Variants in ENOSF1 observed in about 807,000 individuals in gnomAD.
ENOSF1 encodes the protein enolase superfamily member 1, also known as mitochondrial enolase superfamily member 1.
Under a neutral mutation model 68.2 loss-of-function variants are expected in ENOSF1, and 73 were observed. The ratio of observed to expected loss-of-function variants is 1.07; its 90% CI spans 0.89 to 1.30. The LOEUF (loss-of-function observed/expected upper bound fraction) is 1.30. Among genes scored for constraint, ENOSF1 ranks in the 50% most tolerant of loss-of-function variants. ENOSF1 has a pLI of 0.00. For missense variants in ENOSF1, 589 were observed against 554.5 expected, an observed-to-expected ratio of 1.06 and a Z score of -0.62; for synonymous variants, 223 against 210.4, an observed-to-expected ratio of 1.06 and a Z score of -0.52.
At chr18:675,821 TTTTG>T (rs71297336) in intron 14 of ENOSF1, among the ~76,000 whole-genome samples, 51,787 of 151,838 alleles carry the variant, frequency 0.34, 9,141 homozygotes, top group Middle Eastern at 0.47. Flanking sequence ...CTTGGGGTTT[TTTTG>T]GCAGGTAGGG....
downstream of ENOSF1, among the ~76,000 whole-genome samples, chr18:666,938 GAGATGGT>G (rs1225537260): frequency 5.0e-5 from 2 of 39,908 alleles, no homozygotes; most frequent in African/African-American, 7.5e-5. Flanking sequence ...GATGGTGATG[GAGATGGT>G]GATGGTGATG....
chr18:707,629 A>C (rs1228998423), intron 1 of ENOSF1: 2 of 152,238 alleles, frequency 1.3e-5, no homozygotes, highest in African/African-American at 4.8e-5. Context: ...ATGTGAATGC[A>C]TTCATAAAGA....
At position 677,339 on chromosome 18, in the gene ENOSF1, A is replaced by G; in HGVS notation, c.1148+6T>C. The G allele has an allele frequency of 6.2e-7, 1 of 1,611,012 alleles. No individual in the cohort carries two copies. The highest frequency in any genetic ancestry group is 8.5e-7 in the Non-Finnish European group (1 of 1,177,548). Reference sequence around the variant, plus strand: ...AAACAGAAAGTATTAATGCCACATTACTGACCTATTTTCAAGGCTTGCAGA... The same window carrying G: ...AAACAGAAAGTATTAATGCCACATTGCTGACCTATTTTCAAGGCTTGCAGA... On this transcript the variant is annotated splice_donor_region_variant and intron_variant, in intron 14 of 15. Transcript: ENST00000647584.
chr18:679,059 G>A (rs2075804475), intron 11 of ENOSF1, among the ~76,000 whole-genome samples: 1 of 152,162 alleles, frequency 6.6e-6, no homozygotes, highest in African/African-American at 2.4e-5. Context: ...TCCAGCCTGC[G>A]CAGTGGCATA....
intron 1 of ENOSF1, among the ~76,000 whole-genome samples, chr18:710,088 A>T (rs190420438): frequency 6.6e-6 from 1 of 152,118 alleles, no homozygotes; most frequent in Non-Finnish European, 1.5e-5. Context: ...GGCAAATTCC[A>T]TTTCTTGAAT....
chr18:701,931 A>AATAG (rs1292228212), intron 2 of ENOSF1, among the ~76,000 whole-genome samples: 1 of 141,208 alleles, frequency 7.1e-6, no homozygotes, highest in Non-Finnish European at 1.6e-5. Flanking sequence ...AAAATAAATA[A>AATAG]ATACATAGAT....
Position 712,303 on chromosome 18 carries a change from G to T in ENOSF1, c.84+201C>A. 6.0e-6 allele frequency: 9 copies of T among 1,498,526 alleles called. 1 individual carries two copies. Among genetic ancestry groups the T allele is most frequent in the East Asian group, 2.6e-5 (1 of 39,190 alleles). 92.8% of individuals were successfully genotyped at this position (1,498,526 alleles called of 1,614,324 possible). ...GTTCGAAGTCGGGAAGCTGCCCGGG[G>T]CCCGCAGAGCTGCAGTCGGCGGGGC... On this transcript the variant is annotated intron_variant, in intron 1 of 15. Coordinates refer to ENST00000647584, the MANE Select transcript of ENOSF1 (RefSeq NM_017512.7).
downstream of ENOSF1, chr18:668,975 C>T: frequency 2.0e-6 from 2 of 998,380 alleles, no homozygotes; most frequent in Non-Finnish European, 1.5e-6. Context: ...CAAGGGGGGA[C>T]CCTGGGTAAG....
chr18:670,139 G>C (rs1262809458), downstream of ENOSF1, among the ~76,000 whole-genome samples: 1 of 151,292 alleles, frequency 6.6e-6, no homozygotes, highest in African/African-American at 2.4e-5. Flanking sequence ...CATCTCCCAG[G>C]TTCAAGTGAG....
chr18:671,397 C>T lies in ENOSF1; in HGVS notation c.*2908G>A, dbSNP rs1165905499. The T allele has an allele frequency of 2.5e-6, 4 of 1,612,244 alleles. No homozygotes were observed. The highest frequency in any genetic ancestry group is 1.3e-5 in the African/African-American group (1 of 74,856). ...GTTTATAGCCAGGTGACTTTATACA[C>T]ACTTTGGGAGATGCACATATTTACC... is the stretch of plus-strand genomic sequence containing the variant. On this transcript the variant is annotated 3_prime_UTR_variant, in exon 16 of 16. Transcript: ENST00000647584.
intron 15 of ENOSF1, 144 bp from the exon 16 acceptor site, chr18:674,550 T>C (rs2075282581): frequency 1.3e-5 from 7 of 538,520 alleles, no homozygotes; most frequent in Non-Finnish European, 1.9e-5. Context: ...ATGGAGTCAC[T>C]GTCCGTTGCC....
intron 7 of ENOSF1, 137 bp downstream of exon 7, chr18:690,931 G>A: frequency 1.7e-6 from 2 of 1,199,194 alleles, no homozygotes; most frequent in South Asian, 1.5e-5. Flanking sequence ...TCACCATGCA[G>A]ACTTGAATGT....
chr18:701,264 T>A (rs1358570647), intron 2 of ENOSF1, among the ~76,000 whole-genome samples: 1 of 152,178 alleles, frequency 6.6e-6, no homozygotes, highest in Non-Finnish European at 1.5e-5. Context: ...GAGTGACCCC[T>A]ATTGTAAACT....
chr18:697,393 T>G (rs374919969), intron 2 of ENOSF1, 38 bp from the exon 3 acceptor site: 2 of 1,420,414 alleles, frequency 1.4e-6, no homozygotes, highest in South Asian at 1.2e-5. Flanking sequence ...TATGCTTCTA[T>G]ACTAGGTCAA....
intron 10 of ENOSF1, 50 bp from the exon 11 acceptor site, chr18:683,430 A>G (rs1452786266): frequency 1.2e-6 from 2 of 1,604,022 alleles, no homozygotes; most frequent in East Asian, 4.5e-5. Flanking sequence ...CCAACCTCAC[A>G]GCAGGGCTGC....
At chr18:679,300 C>G (rs9961936) in intron 11 of ENOSF1, among the ~76,000 whole-genome samples, 1,957 of 151,850 alleles carry the variant, frequency 0.013, 48 homozygotes, top group African/African-American at 0.044. Flanking sequence ...ACCTCCACCC[C>G]CCAGGCTGAA....
intron 10 of ENOSF1, among the ~76,000 whole-genome samples, chr18:685,208 G>A (rs2076504013): frequency 6.6e-6 from 1 of 151,230 alleles, no homozygotes; most frequent in South Asian, 2.1e-4. Context: ...GTTTTTCCAT[G>A]TTGCCAGGCT....
At chr18:678,478 A>C (rs1393579984) in intron 12 of ENOSF1, 3 of 538,124 alleles carry the variant, frequency 5.6e-6, no homozygotes, top group Non-Finnish European at 9.9e-6. Flanking sequence ...TGAAAAAGAT[A>C]CCCGACCTTA....
At chr18:698,229 C>G (rs1346981327) in intron 2 of ENOSF1, among the ~76,000 whole-genome samples, 1 of 152,210 alleles carries the variant, frequency 6.6e-6, no homozygotes, top group Non-Finnish European at 1.5e-5. Context: ...CATAGATTGA[C>G]AAGTTTAAAT....
Sources: allele counts gnomAD v4.1 joint callset (sites outside exome capture counted in the v4.1 genomes callset), GRCh38; gene constraint gnomAD v4.1.1; transcripts MANE v1.5; gene names NCBI Gene and HGNC (gene_info 2026-07-23, HGNC 2026-07-21).